PRKCQ: variants seen among roughly 807,000 people sequenced by gnomAD.
PRKCQ encodes protein kinase C theta type.
A neutral mutation model predicts 91.2 loss-of-function variants in PRKCQ; 41 were observed. The ratio of observed to expected loss-of-function variants is 0.45; its 90% confidence interval spans 0.35 to 0.58. PRKCQ has a LOEUF of 0.58. PRKCQ is among the 20% of genes least tolerant of loss of function. PRKCQ has a pLI of 0.00. For missense variants in PRKCQ, 673 were observed against 896.5 expected, an observed-to-expected ratio of 0.75 and a Z score of 3.18; for synonymous variants, 307 against 316.9, an observed-to-expected ratio of 0.97 and a Z score of 0.33.
In PRKCQ at chr10:6,472,675, TAAAC is replaced by T. The variant is rs376980534; in HGVS notation, c.1353+6313_1353+6316del. The stretch of plus-strand genomic sequence containing the variant: ...GTTCTGTACAATGACTAGAGAGAAT[TAAAC>T]AATTGTCAGGGACAAACACTTCCTG... On this transcript the variant is annotated intron_variant, in intron 12 of 17. Transcript: ENST00000263125. Among the ~76,000 whole-genome samples, 61 of 152,336 alleles carry T rather than the reference TAAAC, an allele frequency of 4.0e-4. No individual in the cohort carries two copies. In the South Asian group the frequency reaches 0.011, roughly 28 times the overall value.
intron 1 of PRKCQ, among the ~76,000 whole-genome samples, chr10:6,554,531 C>G (rs556429028): frequency 4.3e-4 from 65 of 152,282 alleles, no homozygotes; most frequent in African/African-American, 1.5e-3. Flanking sequence ...ATCTGTAAGC[C>G]ACATCCACTA....
chr10:6,558,039 C>A (rs568189868), intron 1 of PRKCQ, among the ~76,000 whole-genome samples: 3 of 152,142 alleles, frequency 2.0e-5, no homozygotes, highest in African/African-American at 7.2e-5. Flanking sequence ...TATCCCCTTG[C>A]TCTTTCACGC....
chr10:6,471,054 G>A (rs1403705745), intron 12 of PRKCQ, among the ~76,000 whole-genome samples: 1 of 152,096 alleles, frequency 6.6e-6, no homozygotes, highest in African/African-American at 2.4e-5. Context: ...GTTTGTCAAA[G>A]ATAGACTTCT....
chr10:6,460,304 T>G (rs1016941768), intron 14 of PRKCQ, among the ~76,000 whole-genome samples: 1 of 152,158 alleles, frequency 6.6e-6, no homozygotes, highest in Non-Finnish European at 1.5e-5. Flanking sequence ...ATTGCTTTTT[T>G]TTTTTTGTTC....
At chr10:6,527,971 C>A (rs1192281968) in intron 1 of PRKCQ, among the ~76,000 whole-genome samples, 1 of 152,222 alleles carries the variant, frequency 6.6e-6, no homozygotes, top group Non-Finnish European at 1.5e-5. Context: ...AGATCAGTCA[C>A]TCTTCTCCTG....
At chr10:6,558,724 G>A (rs1391765462) in intron 1 of PRKCQ, among the ~76,000 whole-genome samples, 2 of 152,200 alleles carry the variant, frequency 1.3e-5, no homozygotes, top group African/African-American at 4.8e-5. Context: ...GATGCAGGAA[G>A]AGAAATAAGA....
intron 16 of PRKCQ, among the ~76,000 whole-genome samples, chr10:6,434,308 A>T (rs1457553901): frequency 6.6e-6 from 1 of 152,172 alleles, no homozygotes; most frequent in Non-Finnish European, 1.5e-5. Flanking sequence ...TCCAGTGAAC[A>T]TGTGGTATTT....
At chr10:6,498,591 T>TC (rs1564354455) in intron 4 of PRKCQ, 33 bp from the exon 5 acceptor site, 1 of 1,605,514 alleles carries the variant, frequency 6.2e-7, no homozygotes, top group Admixed American at 1.7e-5. Context: ...AAAGTGAAGT[T>TC]CTGCAAAAGG....
chr10:6,405,042 G>C, the PRKCQ span, among the ~76,000 whole-genome samples: 2 of 151,416 alleles, frequency 1.3e-5, 1 homozygote, highest in Admixed American at 1.3e-4. Flanking sequence ...CTGGAGTGCA[G>C]TGGCACAATC....
At position 6,438,437 on chromosome 10, in the gene PRKCQ, C is replaced by T. The variant is rs752208078; in HGVS notation, c.1836+3456G>A. Among the ~76,000 whole-genome samples, 3 of 152,310 alleles carry T rather than the reference C, an allele frequency of 2.0e-5. 1 individual carries two copies. Among genetic ancestry groups the T allele is most frequent in the South Asian group, 4.1e-4 (2 of 4,824 alleles). ...AGCTTCCAATGTTGAAGGATCTTAT[C>T]CTATTCCCATTTTCAATATAGCACG... On this transcript the variant is annotated intron_variant, in intron 16 of 17. Coordinates refer to ENST00000263125, the MANE Select transcript of PRKCQ (RefSeq NM_006257.5).
intron 12 of PRKCQ, among the ~76,000 whole-genome samples, chr10:6,464,854 A>G (rs868309323): frequency 4.6e-5 from 7 of 152,368 alleles, no homozygotes; most frequent in African/African-American, 1.4e-4. Flanking sequence ...ATCACTTATC[A>G]GAAGACTGTC....
At chr10:6,464,761 T>G (rs1359579900) in intron 12 of PRKCQ, among the ~76,000 whole-genome samples, 1 of 152,262 alleles carries the variant, frequency 6.6e-6, no homozygotes, top group Non-Finnish European at 1.5e-5. Flanking sequence ...GTTCCAATTT[T>G]TAGCTCTTTA....
intron 16 of PRKCQ, among the ~76,000 whole-genome samples, chr10:6,440,997 A>C (rs562411659): frequency 5.9e-5 from 9 of 152,210 alleles, no homozygotes; most frequent in African/African-American, 2.2e-4. Context: ...AAAAAGAAAA[A>C]AGTTATGTGA....
intron 1 of PRKCQ, among the ~76,000 whole-genome samples, chr10:6,574,448 T>G (rs1407088603): frequency 6.6e-6 from 1 of 152,188 alleles, no homozygotes; most frequent in African/African-American, 2.4e-5. Context: ...TTACCCAAGC[T>G]TAGTGATTAA....
At position 6,442,068 on chromosome 10, in the gene PRKCQ, T is replaced by C; in HGVS notation, c.1661A>G (p.Gln554Arg). Residue 554 changes from glutamine to arginine, a missense_variant, in exon 16 of 18, where the codon CAG becomes CGG. Transcript: ENST00000263125. ...DYIAPEILLGQKYNHSVDWWS... is the reference protein window; with the variant it reads ...DYIAPEILLGRKYNHSVDWWS... ...CCAGTCCACAGAGTGGTTGTATTTC[T>C]GACCCAGCAAGATCTGCACAACCAA... 1 of 1,612,358 alleles carries C rather than the reference T, an allele frequency of 6.2e-7. No homozygotes were observed. Among genetic ancestry groups the C allele is most frequent in the Non-Finnish European group, 8.5e-7 (1 of 1,178,576 alleles).
chr10:6,436,268 G>C (rs907093825), intron 16 of PRKCQ, among the ~76,000 whole-genome samples: 2 of 152,074 alleles, frequency 1.3e-5, no homozygotes, highest in African/African-American at 2.4e-5. Flanking sequence ...CTTTTTATTT[G>C]GGTGTTTGCA....
At chr10:6,521,912 GTTATGTTATGTTAT>G (rs1307258200) in intron 1 of PRKCQ, among the ~76,000 whole-genome samples, 1 of 40,336 alleles carries the variant, frequency 2.5e-5, no homozygotes, top group African/African-American at 4.4e-5. Flanking sequence ...GTGATGTTAT[GTTATGTTATGTTAT>G]TTATTTATTT....
At chr10:6,444,908 G>A (rs979314786) in intron 15 of PRKCQ, among the ~76,000 whole-genome samples, 20 of 151,946 alleles carry the variant, frequency 1.3e-4, no homozygotes, top group African/African-American at 4.1e-4. Flanking sequence ...TGGATCACCC[G>A]AGGTCAGGAG....
chr10:6,554,767 C>G (rs922348521), intron 1 of PRKCQ, among the ~76,000 whole-genome samples: 1 of 152,126 alleles, frequency 6.6e-6, no homozygotes, highest in African/African-American at 2.4e-5. Context: ...ACAGAACTAC[C>G]ATTTGAACCT....
Sources: gnomAD v4.1 joint callset for allele counts (sites outside exome capture counted in the v4.1 genomes callset) on GRCh38, gnomAD v4.1.1 for gene constraint, MANE v1.5 for transcripts, NCBI Gene and HGNC (gene_info 2026-07-23, HGNC 2026-07-21) for gene names.